WDR4: variants seen among roughly 807,000 people sequenced by gnomAD.
The protein encoded by WDR4 is tRNA (guanine-N(7)-)-methyltransferase non-catalytic subunit WDR4.
In WDR4, 47 loss-of-function variants were observed where a neutral mutation model predicts 48.6. The ratio of observed to expected loss-of-function variants is 0.97; its 90% confidence interval spans 0.77 to 1.23. The LOEUF is 1.23. Among genes scored for constraint, WDR4 ranks in the 50% most tolerant of loss-of-function variants. The pLI is 0.00. For synonymous variants in WDR4, 268 were observed against 230.0 expected, an observed-to-expected ratio of 1.17 and a Z score of -1.49; for missense variants, 606 against 551.6, an observed-to-expected ratio of 1.10 and a Z score of -0.99.
At chr21:42,890,557 C>T in the WDR4 span, among the ~76,000 whole-genome samples, 1 of 152,160 alleles carries the variant, frequency 6.6e-6, no homozygotes, top group Non-Finnish European at 1.5e-5. Context: ...GTTTAACTGA[C>T]CCTTGGGAGA....
At position 42,862,265 on chromosome 21, in the gene WDR4, C is replaced by T. The variant is rs373885579; in HGVS notation, c.566+17G>A. The T allele has an allele frequency of 2.6e-5, 42 of 1,587,146 alleles. No homozygotes were observed. Among genetic ancestry groups the T allele is most frequent in the Admixed American group, 3.5e-5 (2 of 57,448 alleles). On this transcript the variant is annotated intron_variant, in intron 5 of 10. Transcript: ENST00000398208. This position sits in a 1 kb window ranked among gnomAD's most constrained non-coding sequence, Gnocchi z 4.3. ...ACAGACCTTCTTTCTGCTGGAGGGG[C>T]AGGAAGGGGCACTCACTCTGTGTGC...
At chr21:42,890,703 T>C in the WDR4 span, among the ~76,000 whole-genome samples, 1 of 152,212 alleles carries the variant, frequency 6.6e-6, no homozygotes, top group African/African-American at 2.4e-5. Context: ...GCAGAGTTGA[T>C]GGTGCCCACA....
chr21:42,879,116 A>C, intron 1 of WDR4: 1 of 1,206,066 alleles, frequency 8.3e-7, no homozygotes, highest in Non-Finnish European at 1.0e-6. Flanking sequence ...CGGAGACCGG[A>C]AGCGACCCGG....
chr21:42,867,391 AC>A (rs540544463), intron 3 of WDR4, among the ~76,000 whole-genome samples: 1,466 of 125,942 alleles, frequency 0.012, 43 homozygotes, highest in Non-Finnish European at 0.016. Flanking sequence ...ACTCCGCTCC[AC>A]CAAAAAAAAA....
In WDR4 at chr21:42,850,057, T is replaced by A; in HGVS notation, c.1231A>T (p.Ser411Cys). 6.2e-7 allele frequency: 1 copy of A among 1,613,818 alleles called. No homozygotes were observed. Among genetic ancestry groups the A allele is most frequent in the African/African-American group, 1.3e-5 (1 of 75,010 alleles). The change falls in exon 11 of 11, where the codon AGT (serine) becomes TGT (cysteine). Residue 411 changes from serine (S) to cysteine (C), a missense_variant. Physicochemically the swap from Ser to Cys is moderately radical, Grantham distance 112. Coordinates refer to ENST00000398208, the MANE Select transcript of WDR4 (RefSeq NM_018669.6). ...ACCACTGACCGCCACGATCAGCAAC[T>A]TAGCGTCGCCTCCCCCGGTCTCATC... ...KKMRPGEATL[S>C]C
chr21:42,869,847 T>C (rs1217653048), intron 3 of WDR4, among the ~76,000 whole-genome samples: 1 of 151,492 alleles, frequency 6.6e-6, no homozygotes, highest in African/African-American at 2.4e-5. Context: ...CCATCTCTAC[T>C]AAAAAAATAG....
the WDR4 span, among the ~76,000 whole-genome samples, chr21:42,887,847 A>G: frequency 6.6e-6 from 1 of 152,116 alleles, no homozygotes; most frequent in Non-Finnish European, 1.5e-5. Context: ...GAGCCCGGGT[A>G]GCAGAGGTTG....
chr21:42,884,837 T>C, the WDR4 span, among the ~76,000 whole-genome samples: 91,073 of 151,758 alleles, frequency 0.6, 28,082 homozygotes, highest in African/African-American at 0.71. Context: ...AGTGCAATGG[T>C]GCAATCCAGC....
At chr21:42,872,225 C>G (rs547730900) in intron 3 of WDR4, among the ~76,000 whole-genome samples, 1 of 152,150 alleles carries the variant, frequency 6.6e-6, no homozygotes, top group South Asian at 2.1e-4. Flanking sequence ...CTCAGGTGAT[C>G]CGATCCGCCT....
At chr21:42,876,838 G>C in intron 1 of WDR4, 71 bp from the exon 2 acceptor site, 2 of 1,442,990 alleles carry the variant, frequency 1.4e-6, no homozygotes, top group Non-Finnish European at 1.9e-6. Context: ...TTTTTTTTGA[G>C]ACGGAGTTTC....
intron 2 of WDR4, among the ~76,000 whole-genome samples, chr21:42,874,893 A>G (rs915900199): frequency 3.9e-5 from 6 of 152,070 alleles, no homozygotes; most frequent in African/African-American, 1.4e-4. Flanking sequence ...TACCTTGTGA[A>G]GCATGTGATC....
downstream of WDR4, among the ~76,000 whole-genome samples, chr21:42,846,169 A>G (rs1429612360): frequency 1.3e-5 from 2 of 151,880 alleles, no homozygotes; most frequent in Non-Finnish European, 2.9e-5. Flanking sequence ...CATGTTCATC[A>G]CTGCACTATT....
downstream of WDR4, among the ~76,000 whole-genome samples, chr21:42,844,714 G>A (rs35709881): frequency 0.043 from 6,603 of 152,318 alleles, 205 homozygotes; most frequent in Non-Finnish European, 0.067. Context: ...GACTCACCCA[G>A]AAGCTCTCCC....
the WDR4 span, among the ~76,000 whole-genome samples, chr21:42,886,330 C>T: frequency 6.6e-6 from 1 of 152,088 alleles, no homozygotes; most frequent in African/African-American, 2.4e-5. Context: ...TAATGTCTTA[C>T]AATAAAATAT....
At chr21:42,890,321 G>C in the WDR4 span, among the ~76,000 whole-genome samples, 1 of 152,128 alleles carries the variant, frequency 6.6e-6, no homozygotes, top group Non-Finnish European at 1.5e-5. Flanking sequence ...GGATCACAAG[G>C]TCAAGAGTTC....
intron 3 of WDR4, 42 bp downstream of exon 3, chr21:42,873,509 G>A (rs547464727): frequency 2.5e-6 from 4 of 1,610,444 alleles, no homozygotes; most frequent in East Asian, 2.2e-5. Context: ...AGGATAAGGT[G>A]TGCATTCGAC....
At position 42,862,130 on chromosome 21, in the gene WDR4, C is replaced by A. The variant is rs908358770; in HGVS notation, c.566+152G>T. 6.2e-6 allele frequency: 4 copies of A among 647,904 alleles called. No individual in the cohort carries two copies. In the Middle Eastern group the frequency reaches 1.3e-3, roughly 207 times the overall value. 40.1% of individuals were successfully genotyped at this position (647,904 alleles called of 1,614,324 possible). ...CCTTTCAGGGCTTCTGCAGGCAGCACCACGGCGCCTGCAGTGACCAAACAC... is the reference window on the plus strand; with the variant it reads ...CCTTTCAGGGCTTCTGCAGGCAGCAACACGGCGCCTGCAGTGACCAAACAC... On this transcript the variant is annotated intron_variant, in intron 5 of 10. Transcript: ENST00000398208. This position sits in a 1 kb window ranked among gnomAD's most constrained non-coding sequence, Gnocchi z 4.3.
intron 3 of WDR4, among the ~76,000 whole-genome samples, chr21:42,864,917 C>A (rs1035911576): frequency 9.2e-5 from 14 of 152,168 alleles, no homozygotes; most frequent in African/African-American, 3.4e-4. Flanking sequence ...GCCCTGCTTC[C>A]CCACCCCCAG....
chr21:42,848,934 C>T (rs2057745067), downstream of WDR4, among the ~76,000 whole-genome samples: 1 of 126,352 alleles, frequency 7.9e-6, no homozygotes. Flanking sequence ...GCGCGCACCT[C>T]ACACAGCACA....
Sources: gnomAD v4.1 joint callset for allele counts (sites outside exome capture counted in the v4.1 genomes callset) on GRCh38, gnomAD v4.1.1 for gene constraint, Gnocchi (gnomAD v3.1) non-coding constraint, MANE v1.5 for transcripts, NCBI Gene and HGNC (gene_info 2026-07-23, HGNC 2026-07-21) for gene names.